The following CALN1 variants were observed in gnomAD, a reference collection of about 807,000 sequenced individuals.
CALN1 encodes calcium-binding protein 8.
Under a neutral mutation model 30.6 loss-of-function variants are expected in CALN1, and 17 were observed. That is an observed-to-expected ratio of 0.56 (90% CI 0.38 to 0.83). The LOEUF is 0.83. Among genes scored for constraint, CALN1 ranks in the 40% least tolerant of loss-of-function variants. The pLI is 0.00. For missense variants in CALN1, 291 were observed against 354.9 expected (o/e 0.82, Z 1.45); for synonymous variants, 156 against 131.4 (o/e 1.19, Z -1.28).
At chr7:71,890,631 G>A (rs1793183674) in intron 5 of CALN1, among the ~76,000 whole-genome samples, 1 of 151,662 alleles carries the variant, frequency 6.6e-6, no homozygotes, top group Non-Finnish European at 1.5e-5. Context: ...ACTACTGATA[G>A]TATTTGGTAT....
At chr7:72,354,911 T>C (rs896987407) in intron 2 of CALN1, among the ~76,000 whole-genome samples, 3 of 151,776 alleles carry the variant, frequency 2.0e-5, no homozygotes, top group Non-Finnish European at 2.9e-5. Flanking sequence ...CTTTTCTTTT[T>C]TTTTTTAATT....
At chr7:72,168,276 T>G (rs748376152) in intron 3 of CALN1, among the ~76,000 whole-genome samples, 2 of 151,922 alleles carry the variant, frequency 1.3e-5, no homozygotes, top group Non-Finnish European at 2.9e-5. Context: ...GGATCTGAGT[T>G]TGAAATATTC....
chr7:72,327,217 G>A (rs1479212952), intron 2 of CALN1, among the ~76,000 whole-genome samples: 1 of 152,208 alleles, frequency 6.6e-6, no homozygotes, highest in Non-Finnish European at 1.5e-5. Context: ...ATTGAGGCTG[G>A]GTGCAGTGGC....
chr7:71,909,032 G>A (rs1042318348), intron 5 of CALN1, among the ~76,000 whole-genome samples: 2 of 152,022 alleles, frequency 1.3e-5, no homozygotes, highest in African/African-American at 4.8e-5. Context: ...ATTGACTGAC[G>A]GGCAGACAAG....
intron 3 of CALN1, among the ~76,000 whole-genome samples, chr7:72,268,987 G>C (rs531685): frequency 0.01 from 1,532 of 152,258 alleles, 26 homozygotes; most frequent in African/African-American, 0.035. Context: ...ACAATTGCAA[G>C]GAGAAGGGAA....
At chr7:72,191,436 T>C (rs972972564) in intron 3 of CALN1, among the ~76,000 whole-genome samples, 3 of 150,350 alleles carry the variant, frequency 2.0e-5, no homozygotes, top group African/African-American at 7.4e-5. Flanking sequence ...ACCCCGTCTG[T>C]AGTAAAAATA....
At chr7:72,031,128 C>A (rs1290007238) in intron 4 of CALN1, among the ~76,000 whole-genome samples, 1 of 152,210 alleles carries the variant, frequency 6.6e-6, no homozygotes, top group Non-Finnish European at 1.5e-5. Context: ...CCAGCCCCAG[C>A]AGTCTGCCTG....
chr7:72,138,579 T>C (rs1003412469), intron 3 of CALN1, among the ~76,000 whole-genome samples: 15 of 152,248 alleles, frequency 9.9e-5, no homozygotes, highest in African/African-American at 3.6e-4. Context: ...AGCTGGGCTC[T>C]GAAGGTGCGT....
At chr7:71,823,766 G>T (rs901643548) in intron 5 of CALN1, among the ~76,000 whole-genome samples, 5 of 151,694 alleles carry the variant, frequency 3.3e-5, no homozygotes, top group African/African-American at 1.2e-4. Flanking sequence ...AAAAGAGAAA[G>T]AAAAGAAAAG....
In CALN1 at chr7:72,150,383, C is replaced by G. The variant is rs192771282; in HGVS notation, c.245-44089G>C. On this transcript the variant is annotated intron_variant, in intron 3 of 6. Coordinates refer to ENST00000395275, the MANE Select transcript of CALN1 (RefSeq NM_031468.4). ...AGGCAAGGTCCCTGTTCTCCCAAAA[C>G]TTATGTTCTAGGGGGTTTACTCACA... Among the ~76,000 whole-genome samples the G allele has an allele frequency of 3.5e-4, 54 of 152,256 alleles. No homozygotes were observed. The East Asian group carries it at 0.01, about 28-fold the overall frequency.
Position 71,810,344 on chromosome 7 carries a change from A to G in CALN1, c.650T>C (p.Phe217Ser). The change falls in exon 6 of 7, where the codon TTT (phenylalanine) becomes TCT (serine). Residue 217 changes from phenylalanine to serine, a missense_variant. By Grantham distance (155) the Phe-to-Ser change is radical (BLOSUM62 -2). Around this residue, in one of 2 missense-constraint regions of CALN1, gnomAD observed 169 missense variants for 251.7 expected, o/e 0.67. Transcript: ENST00000395275. ...GCAGCAGGGGCACCTACCTCCTTCAAACTCTGTTTGGCAGTTCCCCGAGGT... is the reference window on the plus strand; with the variant it reads ...GCAGCAGGGGCACCTACCTCCTTCAGACTCTGTTTGGCAGTTCCCCGAGGT... The part of the protein sequence containing the change: ...NETSGNCQTE[F>S]EGVHSQKQNR... 6.2e-7 allele frequency: 1 copy of G among 1,613,722 alleles called. No individual in the cohort carries two copies. The highest frequency in any genetic ancestry group is 2.2e-5 in the East Asian group (1 of 44,870).
chr7:72,398,220 C>T (rs1806108502), intron 2 of CALN1, among the ~76,000 whole-genome samples: 1 of 152,198 alleles, frequency 6.6e-6, no homozygotes. Context: ...CCTTCAGCCT[C>T]TCACTGTGCA....
At position 72,203,981 on chromosome 7, in the gene CALN1, T is replaced by A. The variant is rs74301548; in HGVS notation, c.244+74705A>T. Among the ~76,000 whole-genome samples the A allele has an allele frequency of 0.024, 691 of 28,828 alleles. 7 individuals are homozygous for A. In the East Asian group the frequency reaches 0.26, roughly 11 times the overall value. 18.9% of individuals were successfully genotyped at this position (28,828 alleles called of 152,430 possible). ...GCCTTCATATAAGAGGCCTCTCTCT[T>A]TTTTTTTTTTTTTTTTTTTTTTTTT... On this transcript the variant is annotated intron_variant, in intron 3 of 6. Coordinates refer to ENST00000395275, the MANE Select transcript of CALN1 (RefSeq NM_031468.4).
intron 2 of CALN1, among the ~76,000 whole-genome samples, chr7:72,325,008 C>CT (rs1431853379): frequency 1.3e-5 from 2 of 152,136 alleles, no homozygotes; most frequent in African/African-American, 4.8e-5. Flanking sequence ...TCAGCGTTTA[C>CT]TTAAAGATTG....
chr7:71,872,797 A>G (rs935623358), intron 5 of CALN1, among the ~76,000 whole-genome samples: 2 of 151,652 alleles, frequency 1.3e-5, no homozygotes, highest in African/African-American at 2.4e-5. Flanking sequence ...TATTTTTAGT[A>G]GAGACAGGGT....
At chr7:72,285,751 T>A (rs1798041948) in intron 2 of CALN1, among the ~76,000 whole-genome samples, 1 of 152,148 alleles carries the variant, frequency 6.6e-6, no homozygotes, top group African/African-American at 2.4e-5. Flanking sequence ...TTCAAAGAGC[T>A]TAAGATTTCT....
chr7:72,130,311 G>A (rs775448976), intron 3 of CALN1, among the ~76,000 whole-genome samples: 35 of 152,244 alleles, frequency 2.3e-4, no homozygotes, highest in East Asian at 3.9e-4. Flanking sequence ...TAAGCTAAGC[G>A]GATTTTATAT....
chr7:72,292,889 G>A (rs1021033447), intron 2 of CALN1, among the ~76,000 whole-genome samples: 1 of 151,406 alleles, frequency 6.6e-6, no homozygotes, highest in African/African-American at 2.4e-5. Context: ...ATTACAGGGG[G>A]CTGGGAAACC....
At chr7:72,488,828 C>T in the CALN1 span, among the ~76,000 whole-genome samples, 1 of 152,088 alleles carries the variant, frequency 6.6e-6, no homozygotes, top group Non-Finnish European at 1.5e-5. Flanking sequence ...GGACTGTAGG[C>T]ACATAGCACC....
Sources: gnomAD v4.1 joint callset for allele counts (sites outside exome capture counted in the v4.1 genomes callset) on GRCh38, gnomAD v4.1.1 for gene constraint, gnomAD v4.1.1 regional missense constraint, MANE v1.5 for transcripts, NCBI Gene and HGNC (gene_info 2026-07-23, HGNC 2026-07-21) for gene names.